NIM1K: variants seen among roughly 807,000 people sequenced by gnomAD.
The protein encoded by NIM1K is serine/threonine-protein kinase NIM1.
A neutral mutation model predicts 37.1 loss-of-function variants in NIM1K; 35 were observed. That is an observed-to-expected ratio of 0.94 (90% CI 0.72 to 1.25). The LOEUF is 1.25. Among genes scored for constraint, NIM1K ranks in the 50% most tolerant of loss-of-function variants. NIM1K has a pLI of 0.00. For synonymous variants in NIM1K, 234 were observed against 206.6 expected (o/e 1.13, Z -1.14); for missense variants, 564 against 548.0 (o/e 1.03, Z -0.29).
At chr5:43,267,336 CAAAACTTCTCTCCTCT>C (rs1554016875) in intron 2 of NIM1K, among the ~76,000 whole-genome samples, 2 of 152,078 alleles carry the variant, frequency 1.3e-5, no homozygotes. Flanking sequence ...TGAACTTATT[CAAAACTTCTCTCCTCT>C]TAGTTAATCT....
intron 2 of NIM1K, among the ~76,000 whole-genome samples, chr5:43,263,237 T>C (rs111552391): frequency 0.032 from 4,884 of 152,180 alleles, 292 homozygotes; most frequent in African/African-American, 0.11. Context: ...TCTGTCTGCT[T>C]CTGAACTTTT....
intron 2 of NIM1K, among the ~76,000 whole-genome samples, chr5:43,254,862 C>A (rs1395985182): frequency 6.6e-6 from 1 of 152,164 alleles, no homozygotes; most frequent in African/African-American, 2.4e-5. Context: ...CACCACTGCA[C>A]CTGACTGCCC....
intron 1 of NIM1K, among the ~76,000 whole-genome samples, chr5:43,205,771 CTT>C (rs1470254022): frequency 6.6e-6 from 1 of 151,972 alleles, no homozygotes; most frequent in African/African-American, 2.4e-5. Context: ...GGAGTGTAGT[CTT>C]GCGATCTTGG....
chr5:43,213,250 C>CT (rs1752241997), intron 1 of NIM1K, among the ~76,000 whole-genome samples: 1 of 121,440 alleles, frequency 8.2e-6, no homozygotes, highest in Admixed American at 8.7e-5. Flanking sequence ...TTCTTTCTTT[C>CT]TTGTTCTTTC....
At chr5:43,255,059 C>G (rs569579486) in intron 2 of NIM1K, among the ~76,000 whole-genome samples, 26 of 152,222 alleles carry the variant, frequency 1.7e-4, no homozygotes, top group African/African-American at 6.0e-4. Flanking sequence ...GTGTCGAGAA[C>G]TAGTAATAAC....
intron 1 of NIM1K, among the ~76,000 whole-genome samples, chr5:43,216,617 A>G (rs1752303413): frequency 6.6e-6 from 1 of 152,210 alleles, no homozygotes; most frequent in Non-Finnish European, 1.5e-5. Context: ...CTCCTAATCC[A>G]CAAAGTGAGG....
At chr5:43,203,778 C>A (rs1368733094) in intron 1 of NIM1K, among the ~76,000 whole-genome samples, 1 of 152,068 alleles carries the variant, frequency 6.6e-6, no homozygotes, top group African/African-American at 2.4e-5. Context: ...GTAATCCCAG[C>A]ACTTTGGGAG....
At chr5:43,248,994 C>G (rs1157721659) in intron 2 of NIM1K, among the ~76,000 whole-genome samples, 1 of 151,872 alleles carries the variant, frequency 6.6e-6, no homozygotes, top group East Asian at 1.9e-4. Context: ...CCTGCCTCAT[C>G]CCGAGTAGCT....
chr5:43,232,599 G>A lies in NIM1K; in HGVS notation c.-694-12483G>A, dbSNP rs1752556352. Reference sequence around the variant, plus strand: ...AATCAGAGTGCTCCAGGGTGGTGTGGGAGGTGAGGATGGAGTTGTAGGGCT... The same window carrying A: ...AATCAGAGTGCTCCAGGGTGGTGTGAGAGGTGAGGATGGAGTTGTAGGGCT... On this transcript the variant is annotated intron_variant, in intron 1 of 3. Transcript: ENST00000326035. The A allele has an allele frequency of 1.3e-5, 20 of 1,565,430 alleles. No individual in the cohort carries two copies. The South Asian group carries it at 2.1e-4, about 16-fold the overall frequency.
intron 1 of NIM1K, among the ~76,000 whole-genome samples, chr5:43,242,652 A>C (rs1368141907): frequency 6.6e-6 from 1 of 151,950 alleles, no homozygotes; most frequent in Non-Finnish European, 1.5e-5. Flanking sequence ...TTAAAAAACA[A>C]AAATATTTAC....
At chr5:43,276,295 C>T (rs753604135) in intron 2 of NIM1K, among the ~76,000 whole-genome samples, 2 of 152,230 alleles carry the variant, frequency 1.3e-5, no homozygotes, top group African/African-American at 2.4e-5. Context: ...CCTCAGGAAG[C>T]TCCAATCATG....
At chr5:43,261,109 C>T (rs1259999519) in intron 2 of NIM1K, among the ~76,000 whole-genome samples, 1 of 152,130 alleles carries the variant, frequency 6.6e-6, no homozygotes, top group Non-Finnish European at 1.5e-5. Context: ...GATTTATAAT[C>T]CTTTGGGTAT....
At chr5:43,212,091 C>T (rs1752212325) in intron 1 of NIM1K, among the ~76,000 whole-genome samples, 1 of 152,110 alleles carries the variant, frequency 6.6e-6, no homozygotes. Flanking sequence ...TTCCGCCTCT[C>T]TTGGATGCGC....
At chr5:43,257,247 C>A (rs1752960166) in intron 2 of NIM1K, among the ~76,000 whole-genome samples, 1 of 151,714 alleles carries the variant, frequency 6.6e-6, no homozygotes, top group Admixed American at 6.6e-5. Context: ...GAACTGCCCA[C>A]TGATTTTAGC....
chr5:43,232,355 G>A, intron 1 of NIM1K: 7 of 1,336,504 alleles, frequency 5.2e-6, no homozygotes, highest in Non-Finnish European at 7.5e-6. Context: ...AGATGACAGG[G>A]CATATGTGTC....
chr5:43,223,464 G>A (rs1295223440), intron 1 of NIM1K, among the ~76,000 whole-genome samples: 2 of 152,162 alleles, frequency 1.3e-5, no homozygotes, highest in South Asian at 2.1e-4. Flanking sequence ...GGCCAGAATA[G>A]TTCATTGAGA....
intron 2 of NIM1K, among the ~76,000 whole-genome samples, chr5:43,251,478 G>A (rs543509989): frequency 3.9e-5 from 6 of 152,158 alleles, no homozygotes; most frequent in Admixed American, 2.0e-4. Flanking sequence ...TTTTACAAAC[G>A]AGGAGATGGA....
chr5:43,261,517 T>C (rs1035412518), intron 2 of NIM1K, among the ~76,000 whole-genome samples: 3 of 152,206 alleles, frequency 2.0e-5, no homozygotes, highest in Non-Finnish European at 4.4e-5. Context: ...TAGCCCTTTG[T>C]CAGGTGGGTA....
intron 1 of NIM1K, chr5:43,207,818 A>G: frequency 2.6e-6 from 1 of 380,956 alleles, no homozygotes; most frequent in East Asian, 5.8e-5. Flanking sequence ...TTAAAGATGA[A>G]TAGCCCCTAA....
Sources: gnomAD v4.1 joint callset for allele counts (sites outside exome capture counted in the v4.1 genomes callset) on GRCh38, gnomAD v4.1.1 for gene constraint, MANE v1.5 for transcripts, NCBI Gene and HGNC (gene_info 2026-07-23, HGNC 2026-07-21) for gene names.